The following COL8A2 variants were observed in gnomAD, a reference collection of about 807,000 sequenced individuals.
COL8A2 encodes collagen alpha-2(VIII) chain.
Under a neutral mutation model 24.0 loss-of-function variants are expected in COL8A2, and 16 were observed. The observed-to-expected ratio is 0.67, with a 90% CI of 0.45 to 1.01. The LOEUF is 1.01. COL8A2 is among the 50% of genes least tolerant of loss of function. The pLI is 0.00. For missense variants in COL8A2, 818 were observed against 942.4 expected, an observed-to-expected ratio of 0.87 and a Z score of 1.73; for synonymous variants, 466 against 424.5, an observed-to-expected ratio of 1.10 and a Z score of -1.20.
intron 2 of COL8A2, among the ~76,000 whole-genome samples, chr1:36,111,881 AC>A (rs897756779): frequency 6.6e-6 from 1 of 151,920 alleles, no homozygotes; most frequent in African/African-American, 2.4e-5. Flanking sequence ...CAGAGATCCC[AC>A]CCAAACTGCT....
Position 36,098,516 on chromosome 1 carries a change from C to A in COL8A2, c.1165G>T (p.Val389Leu). 6.3e-7 allele frequency: 1 copy of A among 1,592,680 alleles called. No individual in the cohort carries two copies. Among genetic ancestry groups the A allele is most frequent in the Non-Finnish European group, 8.5e-7 (1 of 1,170,424 alleles). The change falls in exon 4 of 4, where the codon GTG becomes TTG. Residue 389 changes from valine (V) to leucine (L), a missense_variant. This residue lies in a region of COL8A2 where 573 missense variants were observed against 616.8 expected (regional missense o/e 0.93). Coordinates refer to ENST00000397799, the MANE Select transcript of COL8A2 (RefSeq NM_005202.4). Reference sequence around the variant, plus strand: ...CCCTGGTCACCTCGAATGCCAGGCACTCCTGGGGGTCCTCCAGGCCCTGCC... The same window carrying A: ...CCCTGGTCACCTCGAATGCCAGGCAATCCTGGGGGTCCTCCAGGCCCTGCC... ...GEAGPGGPPG[V>L]PGIRGDQGPS...
intron 1 of COL8A2, among the ~76,000 whole-genome samples, chr1:36,120,185 T>C (rs1643900215): frequency 6.6e-6 from 1 of 152,178 alleles, no homozygotes; most frequent in Non-Finnish European, 1.5e-5. Flanking sequence ...ACTGTAGACG[T>C]ACGACAATTG....
chr1:36,118,593 C>T (rs1178951373), intron 1 of COL8A2, among the ~76,000 whole-genome samples: 2 of 152,200 alleles, frequency 1.3e-5, no homozygotes, highest in Non-Finnish European at 2.9e-5. Context: ...TGGAGCCCCT[C>T]CCCTGGCGAC....
At chr1:36,105,907 C>T (rs1049312064) in intron 2 of COL8A2, among the ~76,000 whole-genome samples, 5 of 149,448 alleles carry the variant, frequency 3.3e-5, no homozygotes, top group Non-Finnish European at 4.4e-5. Flanking sequence ...CAGGTTTGTG[C>T]CACTGCACTC....
rs1319884564 is a variant in COL8A2, at chr1:36,098,258, C to T, written c.1423G>A (p.Gly475Arg). 1 of 1,545,944 alleles carries T rather than the reference C, an allele frequency of 6.5e-7. No homozygotes were observed. The highest frequency in any genetic ancestry group is 8.7e-7 in the Non-Finnish European group (1 of 1,145,448). ...TTCAGGCCCGGCAGGCCTTGGGGCC[C>T]AATAGGGCCAGCTGGACCCTGGAGT... Reference protein sequence around the residue: ...PGLQGPAGPIGPQGLPGLKGE... With the variant: ...PGLQGPAGPIRPQGLPGLKGE... The change falls in exon 4 of 4, where the codon GGG becomes AGG. Residue 475 changes from glycine to arginine, a missense_variant. Around this residue, in one of 3 missense-constraint regions of COL8A2, gnomAD observed 10 missense variants for 28.3 expected, o/e 0.35. Transcript: ENST00000397799.
intron 1 of COL8A2, among the ~76,000 whole-genome samples, chr1:36,117,949 G>A (rs1643887603): frequency 6.6e-6 from 1 of 152,132 alleles, no homozygotes; most frequent in African/African-American, 2.4e-5. Context: ...ATGATTTGAG[G>A]AGAGGAGACC....
In COL8A2 at chr1:36,125,123, G is replaced by T; in HGVS notation, c.-128C>A. 3 of 916,988 alleles carry T rather than the reference G, an allele frequency of 3.3e-6. No individual in the cohort carries two copies. In the South Asian group the frequency reaches 1.5e-4, roughly 46 times the overall value. 56.8% of individuals were successfully genotyped at this position (916,988 alleles called of 1,614,324 possible). A position where few individuals can be genotyped will look rare whatever the true frequency, so the allele number is the denominator to read the frequency against. On this transcript the variant is annotated 5_prime_UTR_variant, in exon 1 of 4. Coordinates refer to ENST00000397799, the MANE Select transcript of COL8A2 (RefSeq NM_005202.4). This position sits in a 1 kb window ranked among gnomAD's most constrained non-coding sequence, Gnocchi z 4.5. ...GCGGCCCGGGCGGCGAGGGCTCCGG[G>T]CAGGGGCGTCCGCGGCTGGGCGGGC...
In COL8A2 at chr1:36,103,224, A is replaced by C. The variant is rs377461663; in HGVS notation, c.-16-2966T>G. ...AAGCAATCCTCCCACCTTGGCCTCC[A>C]AAAGTTCTGGGATTATAGGCATGAG... On this transcript the variant is annotated intron_variant, in intron 2 of 3. Transcript: ENST00000397799. 6.6e-5 allele frequency among the ~76,000 whole-genome samples: 10 copies of C among 151,804 alleles called. No homozygotes were observed. The East Asian group carries it at 1.7e-3, about 26-fold the overall frequency.
intron 2 of COL8A2, 45 bp from the exon 3 acceptor site, chr1:36,100,303 T>C (rs1183596935): frequency 6.6e-7 from 1 of 1,512,544 alleles, no homozygotes; most frequent in Non-Finnish European, 8.9e-7. Context: ...CCCTGGGTGG[T>C]TTGGCACTAG....
intron 1 of COL8A2, among the ~76,000 whole-genome samples, chr1:36,120,921 T>G (rs1225616203): frequency 6.6e-6 from 1 of 151,216 alleles, no homozygotes; most frequent in Non-Finnish European, 1.5e-5. Flanking sequence ...AAACCTTGTC[T>G]CTACTAAAAA....
At chr1:36,108,408 C>T (rs1252954963) in intron 2 of COL8A2, among the ~76,000 whole-genome samples, 1 of 152,220 alleles carries the variant, frequency 6.6e-6, no homozygotes, top group Non-Finnish European at 1.5e-5. Flanking sequence ...AAGCCATCAC[C>T]CTCTCTGGTG....
At chr1:36,105,103 TAG>T (rs1396498811) in intron 2 of COL8A2, among the ~76,000 whole-genome samples, 3 of 152,122 alleles carry the variant, frequency 2.0e-5, no homozygotes, top group Non-Finnish European at 2.9e-5. Flanking sequence ...CAGGCCAGGC[TAG>T]GTCTGGGCTT....
chr1:36,103,935 T>G lies in COL8A2; in HGVS notation c.-16-3677A>C, dbSNP rs1643718228. 2.0e-5 allele frequency among the ~76,000 whole-genome samples: 3 copies of G among 151,960 alleles called. No homozygotes were observed. The South Asian group carries it at 6.2e-4, about 32-fold the overall frequency. ...TTAGCTGGGCACCGTGGCTCATGCC[T>G]GTAATCCCAGCACTTTGGGTGGCTG... On this transcript the variant is annotated intron_variant, in intron 2 of 3. Coordinates refer to ENST00000397799, the MANE Select transcript of COL8A2 (RefSeq NM_005202.4).
intron 2 of COL8A2, among the ~76,000 whole-genome samples, chr1:36,108,916 G>T (rs1643799200): frequency 6.6e-6 from 1 of 152,304 alleles, no homozygotes. Context: ...GGAATTGAAA[G>T]ACCTGCCCAC....
chr1:36,106,573 G>A (rs1643765159), intron 2 of COL8A2, among the ~76,000 whole-genome samples: 1 of 152,186 alleles, frequency 6.6e-6, no homozygotes, highest in Non-Finnish European at 1.5e-5. Flanking sequence ...GCTCTGGCCT[G>A]GTTGGCCCAT....
chr1:36,111,162 A>G (rs547145045), intron 2 of COL8A2, among the ~76,000 whole-genome samples: 2 of 151,974 alleles, frequency 1.3e-5, no homozygotes, highest in South Asian at 4.2e-4. Context: ...CCTTGCCCCC[A>G]GTCTCCAGCC....
intron 2 of COL8A2, among the ~76,000 whole-genome samples, chr1:36,102,676 T>TTTTG (rs1279195428): frequency 7.4e-6 from 1 of 135,820 alleles, no homozygotes; most frequent in Admixed American, 7.5e-5. Context: ...TTTTTGTTTT[T>TTTTG]TTTTTTTTTT....
intron 1 of COL8A2, among the ~76,000 whole-genome samples, chr1:36,122,819 C>G (rs1389003219): frequency 6.6e-6 from 1 of 152,140 alleles, no homozygotes; most frequent in Non-Finnish European, 1.5e-5. Context: ...CACCCTTTCT[C>G]TAGACAGGGC....
chr1:36,115,142 C>T lies in COL8A2; in HGVS notation c.-17+566G>A, dbSNP rs1035596597. Among the ~76,000 whole-genome samples, 3 of 152,162 alleles carry T rather than the reference C, an allele frequency of 2.0e-5. No homozygotes were observed. Among genetic ancestry groups the T allele is most frequent in the African/African-American group, 7.2e-5 (3 of 41,442 alleles). ...CGGCCTCAGCTGGGGCCGTCGCTTG[C>T]CTCCCAGCAGAGGCCTTGAGCTTCT... On this transcript the variant is annotated intron_variant, in intron 2 of 3. Coordinates refer to ENST00000397799, the MANE Select transcript of COL8A2 (RefSeq NM_005202.4). The surrounding 1 kb of genome is among the most constrained non-coding windows in gnomAD (Gnocchi z 5.7).
Sources: allele counts gnomAD v4.1 joint callset (sites outside exome capture counted in the v4.1 genomes callset), GRCh38; gene constraint gnomAD v4.1.1; regional missense constraint gnomAD v4.1.1; non-coding constraint Gnocchi (gnomAD v3.1); transcripts MANE v1.5; gene names NCBI Gene and HGNC (gene_info 2026-07-23, HGNC 2026-07-21).